Variants in NRXN3 observed in about 807,000 individuals in gnomAD.
NRXN3 encodes the protein neurexin III.
A neutral mutation model predicts 137.6 loss-of-function variants in NRXN3; 32 were observed. The observed-to-expected ratio is 0.23, with a 90% confidence interval of 0.18 to 0.31. The LOEUF (loss-of-function observed/expected upper bound fraction) is 0.31, where lower values mean the gene tolerates loss of function less well. Ranked by LOEUF, NRXN3 falls within the 10% of genes least tolerant of loss-of-function variation. The pLI is 1.00. For synonymous variants in NRXN3, 798 were observed against 784.5 expected (o/e 1.02, Z -0.29); for missense variants, 1,574 against 2,062.5 (o/e 0.76, Z 4.59).
At chr14:79,645,550 G>C (rs1480134478) in intron 16 of NRXN3, among the ~76,000 whole-genome samples, 4 of 131,608 alleles carry the variant, frequency 3.0e-5, no homozygotes, top group African/African-American at 9.9e-5. Context: ...CAGGAGGCAG[G>C]GGTTGCAGTG....
chr14:78,330,375 T>C (rs1014966010), intron 4 of NRXN3, among the ~76,000 whole-genome samples: 2 of 152,084 alleles, frequency 1.3e-5, no homozygotes, highest in South Asian at 2.1e-4. Flanking sequence ...GGTGTTTTTT[T>C]CCTCCAGAAC....
chr14:79,592,415 G>T (rs1207454401), intron 16 of NRXN3, among the ~76,000 whole-genome samples: 1 of 151,932 alleles, frequency 6.6e-6, no homozygotes, highest in Non-Finnish European at 1.5e-5. Context: ...CTCTGTTTTT[G>T]CATTCTTCAA....
intron 8 of NRXN3, among the ~76,000 whole-genome samples, chr14:78,721,701 G>C (rs752809579): frequency 1.6e-4 from 25 of 152,010 alleles, no homozygotes; most frequent in Admixed American, 1.3e-4. Flanking sequence ...TTAACGAATC[G>C]AACCTTAGAT....
chr14:78,843,414 T>C (rs2099018168), intron 10 of NRXN3, among the ~76,000 whole-genome samples: 1 of 152,164 alleles, frequency 6.6e-6, no homozygotes, highest in Admixed American at 6.6e-5. Context: ...TGGCTCCATG[T>C]ATAGCAATGT....
Position 79,230,700 on chromosome 14 carries a change from T to G in NRXN3, c.3263-236521T>G, listed in dbSNP as rs189803037. Among the ~76,000 whole-genome samples, 255 of 152,302 alleles carry G rather than the reference T, an allele frequency of 1.7e-3. 1 individual carries two copies. Among genetic ancestry groups the G allele is most frequent in the South Asian group, 6.4e-3 (31 of 4,828 alleles). On this transcript the variant is annotated intron_variant, in intron 15 of 20. Transcript: ENST00000335750. ...ATTCATTTCATGGAGCAAGCATCTTTGTGATTCTCTCTTCTGCTGCCTACT... is the reference window on the plus strand; with the variant it reads ...ATTCATTTCATGGAGCAAGCATCTTGGTGATTCTCTCTTCTGCTGCCTACT...
intron 15 of NRXN3, among the ~76,000 whole-genome samples, chr14:79,134,539 G>A (rs1268687196): frequency 2.0e-5 from 3 of 152,192 alleles, no homozygotes; most frequent in Non-Finnish European, 4.4e-5. Context: ...CATTGGGGAA[G>A]TTGCAGTGTT....
At chr14:78,583,047 T>C (rs1362097199) in intron 4 of NRXN3, among the ~76,000 whole-genome samples, 1 of 152,150 alleles carries the variant, frequency 6.6e-6, no homozygotes, top group Non-Finnish European at 1.5e-5. Flanking sequence ...AGGTGCCCTG[T>C]GGTTCTCATT....
intron 19 of NRXN3, among the ~76,000 whole-genome samples, chr14:79,792,337 A>C (rs938731129): frequency 2.6e-5 from 4 of 152,200 alleles, no homozygotes; most frequent in Admixed American, 2.0e-4. Flanking sequence ...TTTGTTGCCC[A>C]GTAATTCTGT....
intron 4 of NRXN3, among the ~76,000 whole-genome samples, chr14:78,401,003 T>C (rs2091994293): frequency 6.6e-6 from 1 of 152,152 alleles, no homozygotes; most frequent in Non-Finnish European, 1.5e-5. Flanking sequence ...AGGTTCAGCA[T>C]CTGGTGAGGA....
chr14:79,145,820 T>C (rs2059251412), intron 15 of NRXN3, among the ~76,000 whole-genome samples: 1 of 152,190 alleles, frequency 6.6e-6, no homozygotes, highest in Non-Finnish European at 1.5e-5. Context: ...GTCCCAAACT[T>C]TTCCTTGAAA....
At chr14:79,238,199 AT>A (rs1352176473) in intron 15 of NRXN3, among the ~76,000 whole-genome samples, 1 of 152,092 alleles carries the variant, frequency 6.6e-6, no homozygotes, top group Non-Finnish European at 1.5e-5. Context: ...AAGTTTTAAT[AT>A]TTTTTAAACA....
intron 4 of NRXN3, among the ~76,000 whole-genome samples, chr14:78,320,736 C>T (rs2079233209): frequency 6.6e-6 from 1 of 152,130 alleles, no homozygotes; most frequent in Non-Finnish European, 1.5e-5. Context: ...TGTGTATCTG[C>T]ACATTTATCC....
rs150539557 is a variant in NRXN3, at chr14:78,615,017, C to T, written c.758-30103C>T. 313 of 456,612 alleles carry T rather than the reference C, an allele frequency of 6.9e-4. 1 individual carries two copies. Among genetic ancestry groups the T allele is most frequent in the African/African-American group, 5.8e-3 (290 of 50,168 alleles). The allele number at this position is 456,612 out of a possible 1,614,324, so 28.3% of individuals were successfully genotyped here. On this transcript the variant is annotated intron_variant, in intron 4 of 20. Coordinates refer to ENST00000335750, the MANE Select transcript of NRXN3 (RefSeq NM_001330195.2). The stretch of plus-strand genomic sequence containing the variant: ...AATGCACCCCTCTACCCACTTCCAC[C>T]GGGATCTTGACGAAGGTAGGGATGC...
At chr14:79,445,649 G>C (rs565584256) in intron 15 of NRXN3, among the ~76,000 whole-genome samples, 27 of 152,180 alleles carry the variant, frequency 1.8e-4, no homozygotes, top group African/African-American at 6.3e-4. Flanking sequence ...GATAAGAAGA[G>C]GCCAGCCATG....
At chr14:78,470,822 C>A (rs1182843824) in intron 4 of NRXN3, among the ~76,000 whole-genome samples, 1 of 152,104 alleles carries the variant, frequency 6.6e-6, no homozygotes, top group African/African-American at 2.4e-5. Flanking sequence ...TATATGCGAT[C>A]CTCACAACTG....
chr14:78,914,894 GC>G (rs779172554), intron 10 of NRXN3, among the ~76,000 whole-genome samples: 21 of 152,044 alleles, frequency 1.4e-4, no homozygotes, highest in Non-Finnish European at 2.9e-4. Context: ...CACAAAACAA[GC>G]AAGCAATAAG....
At chr14:79,784,717 C>G (rs1395589804) in intron 19 of NRXN3, among the ~76,000 whole-genome samples, 2 of 144,308 alleles carry the variant, frequency 1.4e-5, no homozygotes, top group African/African-American at 5.1e-5. Context: ...ATGTAACTTT[C>G]ACTTCAACAA....
chr14:78,674,872 A>G (rs1473480408), intron 6 of NRXN3, among the ~76,000 whole-genome samples: 5 of 152,224 alleles, frequency 3.3e-5, no homozygotes, highest in Non-Finnish European at 7.3e-5. Flanking sequence ...CAGTCTTCAT[A>G]ATTTCCCATT....
At chr14:78,565,891 G>A (rs1387711657) in intron 4 of NRXN3, among the ~76,000 whole-genome samples, 2 of 152,154 alleles carry the variant, frequency 1.3e-5, no homozygotes, top group Non-Finnish European at 2.9e-5. Flanking sequence ...CATCTGAAAG[G>A]TTGGCAGCAA....
Sources: gnomAD v4.1 joint callset for allele counts (sites outside exome capture counted in the v4.1 genomes callset) on GRCh38, gnomAD v4.1.1 for gene constraint, MANE v1.5 for transcripts, NCBI Gene and HGNC (gene_info 2026-07-23, HGNC 2026-07-21) for gene names.